HBS1L: variants seen among roughly 807,000 people sequenced by gnomAD.
HBS1L encodes HBS1 like translational GTPase.
In HBS1L, 55 loss-of-function variants were observed where a neutral mutation model predicts 88.9. That is an observed-to-expected ratio of 0.62 (90% confidence interval 0.50 to 0.77). The LOEUF is 0.77. Among genes scored for constraint, HBS1L ranks in the 30% least tolerant of loss-of-function variants. The pLI, the probability that HBS1L is intolerant of heterozygous loss-of-function variation, is 0.00. For missense variants in HBS1L, 741 were observed against 829.3 expected (o/e 0.89, Z 1.31); for synonymous variants, 267 against 288.5 (o/e 0.93, Z 0.76).
intron 4 of HBS1L, among the ~76,000 whole-genome samples, chr6:135,009,525 TA>T (rs1775709437): frequency 6.6e-6 from 1 of 152,130 alleles, no homozygotes; most frequent in Non-Finnish European, 1.5e-5. Flanking sequence ...TTAAAGACTA[TA>T]TAAAGTTTAA....
At chr6:135,016,720 CAACTA>C (rs1216203889) in intron 4 of HBS1L, among the ~76,000 whole-genome samples, 1 of 152,036 alleles carries the variant, frequency 6.6e-6, no homozygotes, top group African/African-American at 2.4e-5. Flanking sequence ...CTTACCTCTT[CAACTA>C]AACTAAGAGT....
rs1774223983 is a variant in HBS1L, at chr6:134,963,151, T to C, written c.*2128A>G. 2 of 152,164 alleles carry C rather than the reference T, an allele frequency of 1.3e-5. No individual in the cohort carries two copies. The highest frequency in any genetic ancestry group is 4.8e-5 in the African/African-American group (2 of 41,452). 9.4% of individuals were successfully genotyped at this position (152,164 alleles called of 1,614,324 possible). A position where few individuals can be genotyped will look rare whatever the true frequency, so the allele number is the denominator to read the frequency against. On this transcript the variant is annotated 3_prime_UTR_variant, in exon 18 of 18. Coordinates refer to ENST00000367837, the MANE Select transcript of HBS1L (RefSeq NM_006620.4). The stretch of plus-strand genomic sequence containing the variant: ...TCCCCCTACCTTAAACCCCAATCCA[T>C]TTCCCCTTCCTAACAGCACCCTGAA...
At position 134,996,791 on chromosome 6, in the gene HBS1L, G is replaced by A. The variant is rs781423277; in HGVS notation, c.951C>T (p.Gly317=). Residue 317 remains glycine (G), a synonymous_variant, in exon 7 of 18, where the codon GGC becomes GGT. Transcript: ENST00000367837. ...FAYAWVLDET[G]EERERGVTMD... ...ATAGTGACTACCTTTCCCTTTCTTC[G>A]CCAGTTTCATCCAAGACCCATGCAT... 6.9e-6 allele frequency: 11 copies of A among 1,588,154 alleles called. No homozygotes were observed. In the East Asian group the frequency reaches 1.1e-4, roughly 16 times the overall value.
Position 134,982,492 on chromosome 6 carries a change from C to T in HBS1L, c.1563G>A (p.Leu521=). 1 of 1,610,770 alleles carries T rather than the reference C, an allele frequency of 6.2e-7. No individual in the cohort carries two copies. The highest frequency in any genetic ancestry group is 1.3e-5 in the African/African-American group (1 of 74,874). Residue 521 remains leucine, a synonymous_variant, in exon 13 of 18, where the codon CTG becomes CTA. Coordinates refer to ENST00000367837, the MANE Select transcript of HBS1L (RefSeq NM_006620.4). ...TACAAGTTTCATTAGGAGGCATTGC[C>T]AGTAGTCGGTCACCAGTTTGGATAT... ...AGYIQTGDRL[L]AMPPNETCTV...
intron 8 of HBS1L, among the ~76,000 whole-genome samples, chr6:134,991,679 G>A (rs966237101): frequency 6.6e-6 from 1 of 152,096 alleles, no homozygotes; most frequent in African/African-American, 2.4e-5. Context: ...AAAATTACAT[G>A]TCAACTTTCT....
intron 4 of HBS1L, among the ~76,000 whole-genome samples, chr6:135,014,011 G>A (rs1775846369): frequency 6.6e-6 from 1 of 152,104 alleles, no homozygotes; most frequent in Non-Finnish European, 1.5e-5. Flanking sequence ...ATGCTTGATG[G>A]AGGGGGGTAC....
At chr6:135,053,920 C>A (rs1777163485) in intron 1 of HBS1L, among the ~76,000 whole-genome samples, 1 of 152,134 alleles carries the variant, frequency 6.6e-6, no homozygotes, top group South Asian at 2.1e-4. Context: ...ATTTTTATTT[C>A]ATTTTTTAAT....
chr6:135,014,868 A>C (rs1391589178), intron 4 of HBS1L, among the ~76,000 whole-genome samples: 1 of 151,114 alleles, frequency 6.6e-6, no homozygotes, highest in Non-Finnish European at 1.5e-5. Flanking sequence ...AAAAAAAAAA[A>C]AAAAAACCAC....
chr6:134,995,806 GA>G (rs1161836438), intron 7 of HBS1L, among the ~76,000 whole-genome samples: 1 of 151,982 alleles, frequency 6.6e-6, no homozygotes, highest in Admixed American at 6.6e-5. Flanking sequence ...ACAGGTCTGT[GA>G]TACTATAAAG....
chr6:135,019,225 C>G (rs1431326073), intron 4 of HBS1L, among the ~76,000 whole-genome samples: 4 of 151,826 alleles, frequency 2.6e-5, no homozygotes, highest in Admixed American at 2.0e-4. Context: ...AAATCTAAAT[C>G]CAAGCAGTCT....
intron 2 of HBS1L, among the ~76,000 whole-genome samples, chr6:135,042,826 CA>C (rs1415600534): frequency 0.044 from 1,769 of 39,992 alleles, 21 homozygotes; most frequent in South Asian, 0.11. Flanking sequence ...AAAAAAAAAA[CA>C]AAAAAAAAAA....
chr6:134,979,971 C>T (rs1774779119), intron 13 of HBS1L, among the ~76,000 whole-genome samples: 1 of 151,958 alleles, frequency 6.6e-6, no homozygotes, highest in Non-Finnish European at 1.5e-5. Context: ...TAGACATAGT[C>T]CTGAAGGTAG....
At chr6:135,018,727 C>T (rs929181514) in intron 4 of HBS1L, among the ~76,000 whole-genome samples, 1 of 151,810 alleles carries the variant, frequency 6.6e-6, no homozygotes, top group Admixed American at 6.6e-5. Flanking sequence ...CAAAACAAGG[C>T]CTTTTTGCTT....
chr6:134,994,869 G>A (rs974907699), intron 7 of HBS1L, among the ~76,000 whole-genome samples: 5 of 151,978 alleles, frequency 3.3e-5, no homozygotes, highest in Non-Finnish European at 7.4e-5. Context: ...GAAATCATGT[G>A]GCAATAAACT....
chr6:134,997,929 A>G (rs1006565766), intron 5 of HBS1L, among the ~76,000 whole-genome samples: 2 of 152,226 alleles, frequency 1.3e-5, no homozygotes, highest in South Asian at 4.1e-4. Flanking sequence ...TTCAAAATCA[A>G]GCCCACAGTC....
At chr6:134,978,566 A>T in intron 15 of HBS1L, 113 bp downstream of exon 15, 1 of 554,850 alleles carries the variant, frequency 1.8e-6, no homozygotes, top group Non-Finnish European at 3.2e-6. Flanking sequence ...CAGTAATAAG[A>T]TGTTAATTCA....
chr6:135,028,239 A>T (rs1776289907), intron 4 of HBS1L, among the ~76,000 whole-genome samples: 1 of 149,638 alleles, frequency 6.7e-6, no homozygotes, highest in Non-Finnish European at 1.5e-5. Flanking sequence ...AAATTTAGGG[A>T]AGAAAAAAAC....
chr6:135,043,495 A>G (rs1201161379), intron 2 of HBS1L, among the ~76,000 whole-genome samples: 2 of 152,248 alleles, frequency 1.3e-5, no homozygotes, highest in Non-Finnish European at 2.9e-5. Context: ...ATAAAGCTGC[A>G]GTGTATGTGT....
At position 134,997,179 on chromosome 6, in the gene HBS1L, A is replaced by G. The variant is rs556054198; in HGVS notation, c.799+218T>C. On this transcript the variant is annotated intron_variant, in intron 6 of 17. Transcript: ENST00000367837. ...GTCAACAAGACACGCCAATTTCAAAATGTTCACAAAATGAAAAATCCCACA... is the reference window on the plus strand; with the variant it reads ...GTCAACAAGACACGCCAATTTCAAAGTGTTCACAAAATGAAAAATCCCACA... Among the ~76,000 whole-genome samples the G allele has an allele frequency of 2.6e-5, 4 of 152,322 alleles. No homozygotes were observed. The East Asian group carries it at 7.7e-4, about 29-fold the overall frequency.
Sources: allele counts gnomAD v4.1 joint callset (sites outside exome capture counted in the v4.1 genomes callset), GRCh38; gene constraint gnomAD v4.1.1; transcripts MANE v1.5; gene names NCBI Gene and HGNC (gene_info 2026-07-23, HGNC 2026-07-21).